Variants in XYLB observed in about 807,000 individuals in gnomAD.
XYLB encodes the protein xylulose kinase.
XYLB carries 62 observed loss-of-function variants against 78.7 expected under a neutral mutation model. The observed-to-expected ratio is 0.79, with a 90% CI of 0.64 to 0.97. The LOEUF (loss-of-function observed/expected upper bound fraction) is 0.97. XYLB is among the 50% of genes least tolerant of loss of function. XYLB has a pLI of 0.00. For synonymous variants in XYLB, 245 were observed against 247.4 expected, an observed-to-expected ratio of 0.99 and a Z score of 0.09; for missense variants, 687 against 676.8, an observed-to-expected ratio of 1.02 and a Z score of -0.17.
chr3:38,372,391 T>G, intron 9 of XYLB: 1 of 985,380 alleles, frequency 1.0e-6, no homozygotes, highest in Non-Finnish European at 1.2e-6. Flanking sequence ...TCTCTCTATC[T>G]TAAATCTCAA....
At chr3:38,366,040 C>T (rs1168492417) in intron 6 of XYLB, among the ~76,000 whole-genome samples, 3 of 149,028 alleles carry the variant, frequency 2.0e-5, no homozygotes, top group South Asian at 2.1e-4. Flanking sequence ...ACAGGACTTA[C>T]GTTTTGGGTA....
chr3:38,369,967 G>T (rs1706457594), intron 8 of XYLB, 89 bp from the exon 9 acceptor site: 1 of 1,111,470 alleles, frequency 9.0e-7, no homozygotes, highest in Non-Finnish European at 1.4e-6. Flanking sequence ...GTTGTGGCAA[G>T]AGAATTATCT....
At chr3:38,380,708 G>T (rs73825557) in intron 15 of XYLB, among the ~76,000 whole-genome samples, 1 of 152,202 alleles carries the variant, frequency 6.6e-6, no homozygotes, top group Non-Finnish European at 1.5e-5. Flanking sequence ...ATTTTTGCAT[G>T]TGTTTACTAA....
At chr3:38,446,651 A>G in the XYLB span, among the ~76,000 whole-genome samples, 1 of 152,248 alleles carries the variant, frequency 6.6e-6, no homozygotes, top group Non-Finnish European at 1.5e-5. Context: ...CAAAGCTGAC[A>G]AGAACTTATA....
intron 9 of XYLB, among the ~76,000 whole-genome samples, chr3:38,372,168 C>T (rs1420817555): frequency 6.6e-6 from 1 of 152,180 alleles, no homozygotes; most frequent in African/African-American, 2.4e-5. Context: ...TCCCTGCACT[C>T]TGTCTTTTTT....
chr3:38,372,281 C>T, intron 9 of XYLB: 1 of 485,264 alleles, frequency 2.1e-6, no homozygotes, highest in Non-Finnish European at 2.7e-6. Flanking sequence ...TTATCTGCTC[C>T]CATGAGTTTG....
chr3:38,379,209 A>T, intron 14 of XYLB, 37 bp from the exon 15 acceptor site: 1 of 1,598,054 alleles, frequency 6.3e-7, no homozygotes, highest in Non-Finnish European at 8.6e-7. Flanking sequence ...GGACAATGAG[A>T]GTTCCTTACT....
At chr3:38,410,002 A>G (rs1708505019) in intron 18 of XYLB, among the ~76,000 whole-genome samples, 1 of 152,194 alleles carries the variant, frequency 6.6e-6, no homozygotes, top group African/African-American at 2.4e-5. Context: ...CAAGCTACCA[A>G]TGACTTTCTT....
At chr3:38,404,032 G>A (rs781361236) in intron 18 of XYLB, among the ~76,000 whole-genome samples, 3 of 152,166 alleles carry the variant, frequency 2.0e-5, no homozygotes, top group Non-Finnish European at 4.4e-5. Flanking sequence ...CATTCTCTCT[G>A]TGGCACCTAC....
chr3:38,398,712 CTTT>C (rs56266064), intron 17 of XYLB, among the ~76,000 whole-genome samples: 14 of 141,908 alleles, frequency 9.9e-5, no homozygotes, highest in Non-Finnish European at 9.2e-5. Flanking sequence ...GTTACTTTGT[CTTT>C]TTTTTTTTTT....
At chr3:38,393,947 G>A (rs994636473) in intron 15 of XYLB, among the ~76,000 whole-genome samples, 1 of 152,182 alleles carries the variant, frequency 6.6e-6, no homozygotes, top group African/African-American at 2.4e-5. Context: ...GTTTTAATAT[G>A]TAGTATAGCA....
chr3:38,417,913 C>T (rs563741062), downstream of XYLB, among the ~76,000 whole-genome samples: 31 of 150,668 alleles, frequency 2.1e-4, no homozygotes, highest in Admixed American at 9.3e-4. Context: ...TATATCAGGC[C>T]GGGCGTGGTG....
Position 38,371,084 on chromosome 3 carries a change from G to A in XYLB, c.765+910G>A, listed in dbSNP as rs529484054. Among the ~76,000 whole-genome samples, 12 of 152,270 alleles carry A rather than the reference G, an allele frequency of 7.9e-5. No homozygotes were observed. In the East Asian group the frequency reaches 1.5e-3, roughly 20 times the overall value. On this transcript the variant is annotated intron_variant, in intron 9 of 18. Coordinates refer to ENST00000207870, the MANE Select transcript of XYLB (RefSeq NM_005108.4). ...GAGGAGGGGCTGCTGTGAGGACTTC[G>A]CGTTGGGAGTCTCAGCCACAGAAGC...
At chr3:38,391,048 C>T (rs1358890013) in intron 15 of XYLB, among the ~76,000 whole-genome samples, 2 of 152,006 alleles carry the variant, frequency 1.3e-5, no homozygotes, top group African/African-American at 4.8e-5. Flanking sequence ...GGTGAAACCC[C>T]GTCTCTACTG....
chr3:38,425,331 A>G (rs1447443701), downstream of XYLB, among the ~76,000 whole-genome samples: 2 of 152,210 alleles, frequency 1.3e-5, no homozygotes, highest in South Asian at 2.1e-4. Context: ...ATTTTTCTCT[A>G]TATGGAATAT....
downstream of XYLB, among the ~76,000 whole-genome samples, chr3:38,425,544 C>A (rs1214460018): frequency 1.3e-5 from 2 of 152,190 alleles, no homozygotes; most frequent in African/African-American, 4.8e-5. Flanking sequence ...CCGGATGCTA[C>A]CAGCAGCTGA....
At chr3:38,405,465 G>C (rs112155078) in intron 18 of XYLB, among the ~76,000 whole-genome samples, 5 of 152,058 alleles carry the variant, frequency 3.3e-5, no homozygotes, top group African/African-American at 1.2e-4. Flanking sequence ...CGCAGAAGAC[G>C]GGTGATTTCT....
intron 15 of XYLB, among the ~76,000 whole-genome samples, chr3:38,393,570 A>G (rs531947602): frequency 1.3e-5 from 2 of 152,348 alleles, no homozygotes; most frequent in Admixed American, 1.3e-4. Flanking sequence ...AATGTGCCAC[A>G]GAATGGGTGG....
intron 18 of XYLB, among the ~76,000 whole-genome samples, chr3:38,411,009 G>C (rs1440544719): frequency 6.6e-6 from 1 of 152,140 alleles, no homozygotes; most frequent in Admixed American, 6.5e-5. Context: ...AATACCATTT[G>C]ACCCAGCCAT....
Sources: allele counts gnomAD v4.1 joint callset (sites outside exome capture counted in the v4.1 genomes callset), GRCh38; gene constraint gnomAD v4.1.1; transcripts MANE v1.5; gene names NCBI Gene and HGNC (gene_info 2026-07-23, HGNC 2026-07-21).